Variants in CBL observed in about 807,000 individuals in gnomAD.
The protein encoded by CBL is Cbl proto-oncogene.
Under a neutral mutation model 96.9 loss-of-function variants are expected in CBL, and 45 were observed. The ratio of observed to expected loss-of-function variants is 0.46; its 90% CI spans 0.37 to 0.60. CBL has a LOEUF of 0.60. Among genes scored for constraint, CBL ranks in the 20% least tolerant of loss-of-function variants. The pLI is 0.00. For synonymous variants in CBL, 420 were observed against 426.8 expected, an observed-to-expected ratio of 0.98 and a Z score of 0.20; for missense variants, 1,024 against 1,143.5, an observed-to-expected ratio of 0.90 and a Z score of 1.51.
chr11:119,273,328 G>A (rs1565870791), intron 3 of CBL, among the ~76,000 whole-genome samples: 6 of 152,160 alleles, frequency 3.9e-5, no homozygotes. Context: ...AGCACTTTAG[G>A]TGGCCAAGGC....
At chr11:119,267,982 G>A (rs771591332) in intron 2 of CBL, among the ~76,000 whole-genome samples, 5 of 152,206 alleles carry the variant, frequency 3.3e-5, no homozygotes, top group African/African-American at 1.2e-4. Flanking sequence ...TCAGACCAGA[G>A]AAACAGGCAA....
chr11:119,227,864 CT>C (rs1281686385), intron 1 of CBL, among the ~76,000 whole-genome samples: 3 of 152,184 alleles, frequency 2.0e-5, no homozygotes, highest in Non-Finnish European at 4.4e-5. Flanking sequence ...TTATAATTTT[CT>C]TGTTGAATTC....
intron 1 of CBL, among the ~76,000 whole-genome samples, chr11:119,214,078 G>A (rs1592368449): frequency 6.6e-6 from 1 of 152,162 alleles, no homozygotes; most frequent in East Asian, 1.9e-4. Context: ...CTGAGTAGCT[G>A]GGACTACAGG....
At chr11:119,274,494 T>C (rs1258986418) in intron 4 of CBL, among the ~76,000 whole-genome samples, 2 of 152,232 alleles carry the variant, frequency 1.3e-5, no homozygotes, top group Non-Finnish European at 2.9e-5. Flanking sequence ...CCAATTTGCA[T>C]ACACATTTAT....
chr11:119,276,275 T>TGAAGGTCAAA, intron 6 of CBL, 141 bp downstream of exon 6: 1 of 896,900 alleles, frequency 1.1e-6, no homozygotes, highest in Non-Finnish European at 1.8e-6. Flanking sequence ...TGATTTGACC[T>TGAAGGTCAAA]TCAGGTCCTG....
chr11:119,244,439 A>G lies in CBL; in HGVS notation c.443+11744A>G, dbSNP rs1949609347. On this transcript the variant is annotated intron_variant, in intron 2 of 15. Transcript: ENST00000264033. Reference sequence around the variant, plus strand: ...TTAATTAATTTTTTTTTTTTTTGAGATAAGGTCTCACTCTGCCGTGCAGGC... The same window carrying G: ...TTAATTAATTTTTTTTTTTTTTGAGGTAAGGTCTCACTCTGCCGTGCAGGC... Among the ~76,000 whole-genome samples, 3 of 149,364 alleles carry G rather than the reference A, an allele frequency of 2.0e-5. No individual in the cohort carries two copies. In the South Asian group the frequency reaches 6.3e-4, roughly 31 times the overall value.
intron 1 of CBL, among the ~76,000 whole-genome samples, chr11:119,231,045 T>C (rs968592240): frequency 5.3e-5 from 8 of 152,308 alleles, no homozygotes; most frequent in Admixed American, 3.3e-4. Flanking sequence ...AATGTAGGAC[T>C]CTCAGCTCTA....
At chr11:119,264,735 G>T (rs1263329555) in intron 2 of CBL, among the ~76,000 whole-genome samples, 1 of 151,874 alleles carries the variant, frequency 6.6e-6, no homozygotes, top group Non-Finnish European at 1.5e-5. Context: ...GCCTGTCTTG[G>T]CCTCCCGTAA....
At position 119,285,251 on chromosome 11, in the gene CBL, T is replaced by C. The variant is rs1949973159; in HGVS notation, c.1626T>C (p.Leu542=). 6.2e-7 allele frequency: 1 copy of C among 1,614,120 alleles called. No individual in the cohort carries two copies. Among genetic ancestry groups the C allele is most frequent in the Non-Finnish European group, 8.5e-7 (1 of 1,180,020 alleles). ...CAGTACCTCCCACACTTCGAGATCT[T>C]CCACCACCACCGCCTCCAGACCGGC... ...PLPVPPTLRD[L]PPPPPPDRPY... Residue 542 remains leucine, a synonymous_variant, in exon 11 of 16, where the codon CTT becomes CTC. Coordinates refer to ENST00000264033, the MANE Select transcript of CBL (RefSeq NM_005188.4).
In CBL at chr11:119,206,594, C is replaced by T. The variant is rs1258686270; in HGVS notation, c.177C>T (p.Cys59=). 1 of 1,548,508 alleles carries T rather than the reference C, an allele frequency of 6.5e-7. No homozygotes were observed. Among genetic ancestry groups the T allele is most frequent in the African/African-American group, 1.4e-5 (1 of 72,848 alleles). ...TGGACAAGAAGATGGTGGAGAAGTGCTGGAAGCTCATGGACAAGGTGAAAG... is the reference window on the plus strand; with the variant it reads ...TGGACAAGAAGATGGTGGAGAAGTGTTGGAAGCTCATGGACAAGGTGAAAG... ...GTVDKKMVEK[C]WKLMDKVVRL... Residue 59 remains cysteine, a synonymous_variant, in exon 1 of 16, where the codon TGC becomes TGT. Transcript: ENST00000264033.
rs572338725 is a variant in CBL at position 119,223,969 on chromosome 11, G to C, written c.196-8479G>C. On this transcript the variant is annotated intron_variant, in intron 1 of 15. Transcript: ENST00000264033. ...TCTCTTAAAAGATGAAGAAAAAAGA[G>C]TACCTACCTGTATATTCTTTGAGGT... 1.7e-3 allele frequency among the ~76,000 whole-genome samples: 263 copies of C among 152,196 alleles called. 4 individuals carry two copies. The South Asian group carries it at 0.02, about 11-fold the overall frequency.
chr11:119,298,298 T>G, intron 14 of CBL, 60 bp from the exon 15 acceptor site: 18 of 1,435,602 alleles, frequency 1.3e-5, no homozygotes, highest in Non-Finnish European at 1.8e-5. Flanking sequence ...TGCCCCGTAT[T>G]GAAATGTATT....
At chr11:119,294,524 G>T (rs1195731566) in intron 12 of CBL, among the ~76,000 whole-genome samples, 1 of 151,986 alleles carries the variant, frequency 6.6e-6, no homozygotes, top group Non-Finnish European at 1.5e-5. Flanking sequence ...GCTGGGTGCG[G>T]TGGCTCACGC....
At chr11:119,297,340 G>T in intron 13 of CBL, 44 bp from the exon 14 acceptor site, 2 of 1,393,496 alleles carry the variant, frequency 1.4e-6, no homozygotes, top group Non-Finnish European at 2.0e-6. Flanking sequence ...ATAGATAACA[G>T]TTCTATTTCC....
In CBL at chr11:119,302,467, T is replaced by G; in HGVS notation, c.*2686T>G. 1 of 233,082 alleles carries G rather than the reference T, an allele frequency of 4.3e-6. No homozygotes were observed. Among genetic ancestry groups the G allele is most frequent in the Non-Finnish European group, 8.5e-6 (1 of 117,888 alleles). 14.4% of individuals were successfully genotyped at this position (233,082 alleles called of 1,614,324 possible). ...TGAATTTAATTAAAACTGCCTTTTA[T>G]GAACAGACTTCGAGTTTTGCCATTT... is the stretch of plus-strand genomic sequence containing the variant. On this transcript the variant is annotated 3_prime_UTR_variant, in exon 16 of 16. Coordinates refer to ENST00000264033, the MANE Select transcript of CBL (RefSeq NM_005188.4).
At chr11:119,238,179 C>T (rs1949559171) in intron 2 of CBL, among the ~76,000 whole-genome samples, 1 of 149,324 alleles carries the variant, frequency 6.7e-6, no homozygotes, top group Non-Finnish European at 1.5e-5. Context: ...CCTTGAATTT[C>T]TGCATGAATT....
At position 119,302,410 on chromosome 11, in the gene CBL, G is replaced by T; in HGVS notation, c.*2629G>T. 1 of 232,790 alleles carries T rather than the reference G, an allele frequency of 4.3e-6. No individual in the cohort carries two copies. 14.4% of individuals were successfully genotyped at this position (232,790 alleles called of 1,614,324 possible). ...GTAACCCATTCTTCACCCTCCATTT[G>T]TATGGCAATTTAAAAGTCTTTGGCT... On this transcript the variant is annotated 3_prime_UTR_variant, in exon 16 of 16. Coordinates refer to ENST00000264033, the MANE Select transcript of CBL (RefSeq NM_005188.4).
chr11:119,292,148 C>G (rs921025384), intron 12 of CBL, among the ~76,000 whole-genome samples: 4 of 152,200 alleles, frequency 2.6e-5, no homozygotes, highest in African/African-American at 9.6e-5. Flanking sequence ...CCACTGCACC[C>G]TGGCCTCCTT....
At chr11:119,234,740 C>T (rs1313851940) in intron 2 of CBL, among the ~76,000 whole-genome samples, 1 of 152,160 alleles carries the variant, frequency 6.6e-6, no homozygotes, top group African/African-American at 2.4e-5. Flanking sequence ...TGAGACCAGC[C>T]TGGGCAACAC....
Sources: allele counts gnomAD v4.1 joint callset (sites outside exome capture counted in the v4.1 genomes callset), GRCh38; gene constraint gnomAD v4.1.1; transcripts MANE v1.5; gene names NCBI Gene and HGNC (gene_info 2026-07-23, HGNC 2026-07-21).